Variants in TRMT11 observed in about 807,000 individuals in gnomAD.
TRMT11 encodes tRNA methyltransferase 11, also known as tRNA (guanine(10)-N(2))-methyltransferase TRMT11.
Under a neutral mutation model 62.8 loss-of-function variants are expected in TRMT11, and 53 were observed. That is an observed-to-expected ratio of 0.84 (90% CI 0.68 to 1.06). The LOEUF (loss-of-function observed/expected upper bound fraction) is 1.06, where lower values mean the gene tolerates loss of function less well. Ranked by LOEUF, TRMT11 falls within the 50% of genes least tolerant of loss-of-function variation. TRMT11 has a pLI of 0.00. For synonymous variants in TRMT11, 188 were observed against 190.3 expected (o/e 0.99, Z 0.10); for missense variants, 556 against 553.4 (o/e 1.00, Z -0.05).
intron 17 of TRMT11, among the ~76,000 whole-genome samples, chr6:126,091,748 A>G (rs1777279808): frequency 6.6e-6 from 1 of 152,152 alleles, no homozygotes; most frequent in Non-Finnish European, 1.5e-5. Flanking sequence ...AGCACTAGTT[A>G]CATTCTTTGA....
chr6:126,205,774 G>T (rs1183354451), downstream of TRMT11, among the ~76,000 whole-genome samples: 1 of 151,756 alleles, frequency 6.6e-6, no homozygotes, highest in Non-Finnish European at 1.5e-5. Flanking sequence ...GAAAAATTGT[G>T]CCAGAAGATG....
chr6:126,168,039 T>G (rs1460897789), intron 21 of TRMT11, among the ~76,000 whole-genome samples: 1 of 152,244 alleles, frequency 6.6e-6, no homozygotes, highest in Non-Finnish European at 1.5e-5. Context: ...ACTGCATGGC[T>G]TCAGATGTGT....
chr6:126,185,675 T>G (rs1183364991), intron 1 of TRMT11, among the ~76,000 whole-genome samples: 1 of 152,178 alleles, frequency 6.6e-6, no homozygotes, highest in Non-Finnish European at 1.5e-5. Context: ...TAGTTAGCCC[T>G]TTTTATTAGT....
chr6:126,204,757 A>T (rs1478384943), downstream of TRMT11, among the ~76,000 whole-genome samples: 2 of 152,212 alleles, frequency 1.3e-5, no homozygotes, highest in East Asian at 3.8e-4. Context: ...AACATTGTGC[A>T]GTACTATGTA....
chr6:126,271,984 T>C, the TRMT11 span, among the ~76,000 whole-genome samples: 1 of 152,194 alleles, frequency 6.6e-6, no homozygotes, highest in Admixed American at 6.5e-5. Context: ...CACATTGATA[T>C]GGGTTACCAT....
intron 7 of TRMT11, among the ~76,000 whole-genome samples, chr6:126,002,421 A>G (rs974574201): frequency 1.3e-5 from 2 of 151,756 alleles, no homozygotes; most frequent in Non-Finnish European, 2.9e-5. Flanking sequence ...CAACACATTT[A>G]CTCTTTTCCT....
chr6:126,079,573 C>G (rs1228424167), intron 17 of TRMT11, among the ~76,000 whole-genome samples: 1 of 151,908 alleles, frequency 6.6e-6, no homozygotes, highest in Non-Finnish European at 1.5e-5. Flanking sequence ...TTAGTAGTAC[C>G]TTAGGAGGAA....
At chr6:126,043,681 C>T (rs1185831704), downstream of TRMT11, among the ~76,000 whole-genome samples, 2 of 151,770 alleles carry the variant, frequency 1.3e-5, no homozygotes, top group East Asian at 3.9e-4. Context: ...CAGTGTAAAA[C>T]TGTTCCTATT....
intron 17 of TRMT11, among the ~76,000 whole-genome samples, chr6:126,085,668 A>G (rs1777209274): frequency 6.6e-6 from 1 of 152,194 alleles, no homozygotes; most frequent in South Asian, 2.1e-4. Context: ...GTTCAAGGTG[A>G]TGCCTGCCTG....
At chr6:126,091,203 CAAAA>C (rs34621211) in intron 17 of TRMT11, among the ~76,000 whole-genome samples, 4 of 132,326 alleles carry the variant, frequency 3.0e-5, no homozygotes, top group Admixed American at 1.5e-4. Context: ...GACTCCATCT[CAAAA>C]AAAAAAAAAA....
the TRMT11 span, among the ~76,000 whole-genome samples, chr6:126,224,701 A>G: frequency 6.6e-6 from 1 of 152,192 alleles, no homozygotes; most frequent in Non-Finnish European, 1.5e-5. Flanking sequence ...GCAGTGTGGC[A>G]AGCACCACAT....
chr6:126,239,467 A>T, the TRMT11 span, among the ~76,000 whole-genome samples: 1 of 152,104 alleles, frequency 6.6e-6, no homozygotes, highest in Non-Finnish European at 1.5e-5. Context: ...TCACTTATGA[A>T]GCTTAGTTTG....
intron 17 of TRMT11, among the ~76,000 whole-genome samples, chr6:126,061,560 T>A (rs1776536462): frequency 7.5e-6 from 1 of 133,304 alleles, no homozygotes; most frequent in African/African-American, 2.9e-5. Flanking sequence ...TTTTTTTTTT[T>A]AGCTATTAAT....
At chr6:126,128,753 A>G (rs1777746238) in intron 21 of TRMT11, among the ~76,000 whole-genome samples, 1 of 152,082 alleles carries the variant, frequency 6.6e-6, no homozygotes, top group Non-Finnish European at 1.5e-5. Context: ...CCAGCAGTTA[A>G]TATGACAGTA....
intron 17 of TRMT11, among the ~76,000 whole-genome samples, chr6:126,055,888 A>T (rs1776357576): frequency 6.6e-6 from 1 of 152,210 alleles, no homozygotes; most frequent in African/African-American, 2.4e-5. Flanking sequence ...TCAAAAGCGT[A>T]TACCCAATGA....
the TRMT11 span, among the ~76,000 whole-genome samples, chr6:126,236,620 T>C: frequency 1.5e-4 from 23 of 152,316 alleles, no homozygotes; most frequent in African/African-American, 4.6e-4. Context: ...ATAAAGAGTA[T>C]AATGTTTAAA....
At chr6:126,006,889 G>A (rs1793437534) in intron 7 of TRMT11, 1 of 151,940 alleles carries the variant, frequency 6.6e-6, no homozygotes, top group South Asian at 2.1e-4. Context: ...CTAACCAAAT[G>A]GATAAGGTTC....
the TRMT11 span, among the ~76,000 whole-genome samples, chr6:126,249,242 T>C: frequency 6.6e-6 from 1 of 152,100 alleles, no homozygotes; most frequent in African/African-American, 2.4e-5. Context: ...AACATATGAT[T>C]AAGAAGCTAC....
intron 11 of TRMT11, among the ~76,000 whole-genome samples, chr6:126,015,741 A>C (rs984328948): frequency 6.6e-6 from 1 of 152,112 alleles, no homozygotes; most frequent in Non-Finnish European, 1.5e-5. Context: ...GTAATCATCT[A>C]TCCTATCCTT....
Sources: allele counts gnomAD v4.1 joint callset (sites outside exome capture counted in the v4.1 genomes callset), GRCh38; gene constraint gnomAD v4.1.1; transcripts MANE v1.5; gene names NCBI Gene and HGNC (gene_info 2026-07-23, HGNC 2026-07-21).